WWP2: variants seen among roughly 807,000 people sequenced by gnomAD.
WWP2 encodes the protein NEDD4-like E3 ubiquitin-protein ligase WWP2.
A neutral mutation model predicts 121.0 loss-of-function variants in WWP2; 57 were observed. The ratio of observed to expected loss-of-function variants is 0.47; its 90% CI spans 0.38 to 0.59. WWP2 has a LOEUF of 0.59. Among genes scored for constraint, WWP2 ranks in the 20% least tolerant of loss-of-function variants. WWP2 has a pLI of 0.00. For missense variants in WWP2, 962 were observed against 1,158.9 expected, an observed-to-expected ratio of 0.83 and a Z score of 2.47; for synonymous variants, 449 against 441.3, an observed-to-expected ratio of 1.02 and a Z score of -0.22.
At chr16:69,892,498 C>T (rs1320701607) in intron 8 of WWP2, among the ~76,000 whole-genome samples, 1 of 152,168 alleles carries the variant, frequency 6.6e-6, no homozygotes, top group African/African-American at 2.4e-5. Flanking sequence ...CATGATCTGT[C>T]ACTCGAGTGA....
intron 1 of WWP2, among the ~76,000 whole-genome samples, chr16:69,784,244 C>G (rs1178247573): frequency 6.6e-6 from 1 of 151,618 alleles, no homozygotes; most frequent in African/African-American, 2.4e-5. Flanking sequence ...AGATTAGAGG[C>G]GCCCACCACC....
chr16:69,787,244 A>G (rs1226177537), intron 2 of WWP2, among the ~76,000 whole-genome samples, 164 bp downstream of exon 2: 1 of 152,240 alleles, frequency 6.6e-6, no homozygotes, highest in African/African-American at 2.4e-5. Flanking sequence ...TTGAAGAAGA[A>G]AGAAAATAAA....
At chr16:69,877,456 A>G (rs2057753552) in intron 7 of WWP2, among the ~76,000 whole-genome samples, 1 of 152,144 alleles carries the variant, frequency 6.6e-6, no homozygotes, top group Non-Finnish European at 1.5e-5. Context: ...ACTACTCCCT[A>G]TCGCTTTCTC....
At chr16:69,863,080 C>T (rs1471452638) in intron 6 of WWP2, among the ~76,000 whole-genome samples, 1 of 152,044 alleles carries the variant, frequency 6.6e-6, no homozygotes, top group Non-Finnish European at 1.5e-5. Context: ...TTTATAGAAT[C>T]CTACATGTAT....
At chr16:69,814,049 C>A (rs2056444999) in intron 4 of WWP2, among the ~76,000 whole-genome samples, 1 of 152,184 alleles carries the variant, frequency 6.6e-6, no homozygotes, top group South Asian at 2.1e-4. Context: ...CACCTAAATT[C>A]TCAGGCCAAC....
At chr16:69,766,179 T>C (rs2038725237) in intron 1 of WWP2, among the ~76,000 whole-genome samples, 1 of 152,146 alleles carries the variant, frequency 6.6e-6, no homozygotes, top group Admixed American at 6.6e-5. Context: ...TTCCTCCAGT[T>C]GTTCAAGCCA....
At chr16:69,926,715 C>T (rs1206313606) in intron 11 of WWP2, among the ~76,000 whole-genome samples, 2 of 152,272 alleles carry the variant, frequency 1.3e-5, no homozygotes, top group South Asian at 2.1e-4. Context: ...GGATCCCTTA[C>T]GCAGATAGCT....
chr16:69,795,125 A>C (rs1221589789), intron 2 of WWP2, among the ~76,000 whole-genome samples: 2 of 152,106 alleles, frequency 1.3e-5, no homozygotes, highest in African/African-American at 4.8e-5. Flanking sequence ...AGTCCCAGCT[A>C]CTCAGGAAGC....
At chr16:69,931,356 G>T in intron 14 of WWP2, 129 bp downstream of exon 14, 1 of 1,460,676 alleles carries the variant, frequency 6.8e-7, no homozygotes. Flanking sequence ...GTCTAACCCG[G>T]AGCTGGCTGT....
chr16:69,896,963 G>C (rs1381373956), intron 8 of WWP2, among the ~76,000 whole-genome samples: 1 of 152,092 alleles, frequency 6.6e-6, no homozygotes, highest in African/African-American at 2.4e-5. Flanking sequence ...TCCAGTATAT[G>C]CTTTTAAAAT....
intron 6 of WWP2, among the ~76,000 whole-genome samples, chr16:69,867,913 C>G (rs2057558179): frequency 6.6e-6 from 1 of 152,172 alleles, no homozygotes; most frequent in African/African-American, 2.4e-5. Flanking sequence ...TCAGCCATCA[C>G]CCTGCATTTG....
At chr16:69,926,247 C>T (rs1195560716) in intron 11 of WWP2, among the ~76,000 whole-genome samples, 1 of 152,116 alleles carries the variant, frequency 6.6e-6, no homozygotes, top group Non-Finnish European at 1.5e-5. Context: ...AGACTTAGCG[C>T]ATTTGATAGA....
chr16:69,765,503 A>C (rs1453794487), intron 1 of WWP2, among the ~76,000 whole-genome samples: 1 of 152,124 alleles, frequency 6.6e-6, no homozygotes, highest in Non-Finnish European at 1.5e-5. Flanking sequence ...GTAATAAAGC[A>C]GGGAAGAGGG....
intron 4 of WWP2, among the ~76,000 whole-genome samples, chr16:69,814,439 C>T (rs2056451468): frequency 1.5e-5 from 1 of 65,298 alleles, no homozygotes; most frequent in South Asian, 5.3e-4. Flanking sequence ...AACCCTGGCA[C>T]TCAACACTAT....
chr16:69,925,557 T>C lies in WWP2; in HGVS notation c.1234+73T>C. 1 of 1,565,608 alleles carries C rather than the reference T, an allele frequency of 6.4e-7. No homozygotes were observed. The highest frequency in any genetic ancestry group is 8.7e-7 in the Non-Finnish European group (1 of 1,148,574). Reference sequence around the variant, plus strand: ...GTGCTCTGTCCTCTCCTCCCGCGTGTCTTCCTTCCCTGTTCCTGTCCCTCT... The same window carrying C: ...GTGCTCTGTCCTCTCCTCCCGCGTGCCTTCCTTCCCTGTTCCTGTCCCTCT... On this transcript the variant is annotated intron_variant, in intron 11 of 23. Transcript: ENST00000359154. This position sits in a 1 kb window ranked among gnomAD's most constrained non-coding sequence, Gnocchi z 4.0.
chr16:69,891,899 C>G (rs937187396), intron 8 of WWP2, among the ~76,000 whole-genome samples: 1 of 152,212 alleles, frequency 6.6e-6, no homozygotes, highest in Non-Finnish European at 1.5e-5. Flanking sequence ...CCCTGACATC[C>G]GTTCAGTCAT....
At chr16:69,931,406 T>G (rs1217660592) in intron 14 of WWP2, 103 bp from the exon 15 acceptor site, 1 of 1,524,648 alleles carries the variant, frequency 6.6e-7, no homozygotes, top group Non-Finnish European at 9.0e-7. Context: ...CACATGCTAT[T>G]GCCTCCTGGC....
chr16:69,889,330 A>G (rs968161013), intron 8 of WWP2, among the ~76,000 whole-genome samples: 2 of 152,240 alleles, frequency 1.3e-5, no homozygotes, highest in Admixed American at 1.3e-4. Context: ...TGTCTCAAAA[A>G]TAAAAATTAA....
At chr16:69,795,024 A>G (rs2055998831) in intron 2 of WWP2, among the ~76,000 whole-genome samples, 1 of 152,156 alleles carries the variant, frequency 6.6e-6, no homozygotes, top group Non-Finnish European at 1.5e-5. Flanking sequence ...CCTTGAGCCC[A>G]GGAGTTCGAG....
Sources: gnomAD v4.1 joint callset for allele counts (sites outside exome capture counted in the v4.1 genomes callset) on GRCh38, gnomAD v4.1.1 for gene constraint, Gnocchi (gnomAD v3.1) non-coding constraint, MANE v1.5 for transcripts, NCBI Gene and HGNC (gene_info 2026-07-23, HGNC 2026-07-21) for gene names.